Variants in CBLL1 observed in about 807,000 individuals in gnomAD.
CBLL1 encodes the protein Cbl proto-oncogene like 1, also known as E3 ubiquitin-protein ligase Hakai.
In CBLL1, 4 loss-of-function variants were observed where a neutral mutation model predicts 44.9. The observed-to-expected ratio is 0.09, with a 90% CI of 0.04 to 0.20. CBLL1 has a LOEUF of 0.20. Among genes scored for constraint, CBLL1 ranks in the 10% least tolerant of loss-of-function variants. The pLI, the probability that CBLL1 is intolerant of heterozygous loss-of-function variation, is 1.00. For missense variants in CBLL1, 569 were observed against 636.7 expected, an observed-to-expected ratio of 0.89 and a Z score of 1.14; for synonymous variants, 235 against 202.2, an observed-to-expected ratio of 1.16 and a Z score of -1.38.
rs889688246 is a variant in CBLL1 at position 107,759,422 on chromosome 7, T to C, written c.*244T>C. 14 of 374,492 alleles carry C rather than the reference T, an allele frequency of 3.7e-5. No homozygotes were observed. The highest frequency in any genetic ancestry group is 2.5e-4 in the African/African-American group (12 of 48,398). The allele number at this position is 374,492 out of a possible 1,614,324, so 23.2% of individuals were successfully genotyped here. A position where few individuals can be genotyped will look rare whatever the true frequency, so the allele number is the denominator to read the frequency against. Reference sequence around the variant, plus strand: ...TTTTAACATCTCTTTGTTCCCCTAGTTTAGTAAATTGACCCAGAGGTGACC... The same window carrying C: ...TTTTAACATCTCTTTGTTCCCCTAGCTTAGTAAATTGACCCAGAGGTGACC... On this transcript the variant is annotated 3_prime_UTR_variant, in exon 6 of 6. Coordinates refer to ENST00000440859, the MANE Select transcript of CBLL1 (RefSeq NM_024814.4).
At position 107,758,684 on chromosome 7, in the gene CBLL1, G is replaced by A; in HGVS notation, c.982G>A (p.Val328Ile). ...TCCTGAATATCAGGGTCAACCAGTG[G>A]TATCGCACCCTCATCATATTATGCC... ...HHPEYQGQPV[V>I]SHPHHIMPPQ... Residue 328 changes from valine to isoleucine, a missense_variant, in exon 6 of 6, where the codon GTA becomes ATA. By Grantham distance (29) the Val-to-Ile change is conservative (BLOSUM62 3). Transcript: ENST00000440859. This position sits in a 1 kb window ranked among gnomAD's most constrained non-coding sequence, Gnocchi z 4.2. 6.2e-7 allele frequency: 1 copy of A among 1,613,714 alleles called. No individual in the cohort carries two copies. The highest frequency in any genetic ancestry group is 8.5e-7 in the Non-Finnish European group (1 of 1,179,934).
At chr7:107,749,072 A>C in intron 2 of CBLL1, 25 bp downstream of exon 2, 2 of 1,608,816 alleles carry the variant, frequency 1.2e-6, no homozygotes, top group Middle Eastern at 1.7e-4. Context: ...TAATAGGTCC[A>C]ACACTCTTTC....
chr7:107,756,414 G>T (rs537058313), intron 5 of CBLL1, among the ~76,000 whole-genome samples: 3 of 152,058 alleles, frequency 2.0e-5, no homozygotes, highest in South Asian at 2.1e-4. Flanking sequence ...GTTTTTATTA[G>T]CATTTTAAAG....
At chr7:107,744,204 C>T (rs761101274) in intron 1 of CBLL1, 28 bp downstream of exon 1, 3 of 1,541,006 alleles carry the variant, frequency 1.9e-6, no homozygotes, top group Non-Finnish European at 2.6e-6. Context: ...GTGGGGGTCC[C>T]GGTTCCAAGC....
In CBLL1 at chr7:107,758,296, C is replaced by T. The variant is rs753955659; in HGVS notation, c.594C>T (p.Thr198=). Residue 198 remains threonine, a synonymous_variant, in exon 6 of 6, where the codon ACC becomes ACT. Coordinates refer to ENST00000440859, the MANE Select transcript of CBLL1 (RefSeq NM_024814.4). The surrounding 1 kb of genome is among the most constrained non-coding windows in gnomAD (Gnocchi z 4.2). ...HRHMRAGKPV[T]RASLENVHPP... ...ATATGAGAGCTGGAAAACCTGTTAC[C>T]CGTGCTTCACTTGAAAATGTTCATC... 1 of 1,614,094 alleles carries T rather than the reference C, an allele frequency of 6.2e-7. No individual in the cohort carries two copies. Among genetic ancestry groups the T allele is most frequent in the East Asian group, 2.2e-5 (1 of 44,876 alleles).
At chr7:107,753,335 T>C (rs1232171690) in intron 2 of CBLL1, 76 bp from the exon 3 acceptor site, 1 of 903,684 alleles carries the variant, frequency 1.1e-6, no homozygotes, top group African/African-American at 1.7e-5. Context: ...AAAAGGTCTA[T>C]TTTGCCATGT....
chr7:107,744,369 C>A, intron 1 of CBLL1, 193 bp downstream of exon 1: 1 of 628,044 alleles, frequency 1.6e-6, no homozygotes, highest in Middle Eastern at 4.5e-4. Context: ...GGTGTGGTAC[C>A]TACCTCCTCC....
intron 1 of CBLL1, 43 bp downstream of exon 1, chr7:107,744,219 T>C: frequency 6.5e-7 from 1 of 1,532,646 alleles, no homozygotes; most frequent in South Asian, 1.2e-5. Context: ...CCAAGCCCCC[T>C]TGGCCGGCCT....
intron 2 of CBLL1, chr7:107,752,645 T>A (rs1369597040): frequency 8.5e-7 from 1 of 1,177,036 alleles, no homozygotes; most frequent in Admixed American, 2.6e-5. Context: ...AGAATTCCCA[T>A]CAGACTGTTG....
chr7:107,752,999 T>A (rs1232904532), intron 2 of CBLL1, among the ~76,000 whole-genome samples: 1 of 152,238 alleles, frequency 6.6e-6, no homozygotes. Context: ...GCATACCATT[T>A]TTGTAGCTAG....
At chr7:107,746,493 T>A (rs556414790) in intron 1 of CBLL1, among the ~76,000 whole-genome samples, 4 of 152,324 alleles carry the variant, frequency 2.6e-5, no homozygotes, top group Non-Finnish European at 4.4e-5. Flanking sequence ...GAAATAAAAT[T>A]ATAAACCTTG....
intron 5 of CBLL1, among the ~76,000 whole-genome samples, chr7:107,756,269 G>A (rs796285600): frequency 1.3e-5 from 2 of 152,248 alleles, no homozygotes; most frequent in African/African-American, 4.8e-5. Flanking sequence ...ACCAAGATTT[G>A]TGGTATTGAT....
At position 107,759,889 on chromosome 7, in the gene CBLL1, A is replaced by G. The variant is rs1793700546; in HGVS notation, c.*711A>G. 6.6e-6 allele frequency: 1 copy of G among 152,336 alleles called. No homozygotes were observed. Among genetic ancestry groups the G allele is most frequent in the African/African-American group, 2.4e-5 (1 of 41,456 alleles). The allele number at this position is 152,336 out of a possible 1,614,324, so 9.4% of individuals were successfully genotyped here. A position where few individuals can be genotyped will look rare whatever the true frequency, so the allele number is the denominator to read the frequency against. On this transcript the variant is annotated 3_prime_UTR_variant, in exon 6 of 6. Coordinates refer to ENST00000440859, the MANE Select transcript of CBLL1 (RefSeq NM_024814.4). The stretch of plus-strand genomic sequence containing the variant: ...ATATATTTGTTCGTAATGTTAAAAG[A>G]CATTACTAATTATTTGGAAAGAGAT...
Position 107,761,211 on chromosome 7 carries a change from G to A in CBLL1, c.*2033G>A, listed in dbSNP as rs977323710. The stretch of plus-strand genomic sequence containing the variant: ...TCAACTATTTATGAAGAGCTATCCT[G>A]CTTTTATTGAAAGTCACTAGAGTTG... On this transcript the variant is annotated 3_prime_UTR_variant, in exon 6 of 6. Transcript: ENST00000440859. The A allele has an allele frequency of 7.9e-5, 12 of 152,168 alleles. No individual in the cohort carries two copies. The highest frequency in any genetic ancestry group is 2.2e-4 in the African/African-American group (9 of 41,430). 9.4% of individuals were successfully genotyped at this position (152,168 alleles called of 1,614,324 possible).
chr7:107,758,380 G>A lies in CBLL1; in HGVS notation c.678G>A (p.Lys226=), dbSNP rs200134641. ...IPERFIMPPD[K]HHMSHIPPKQ... ...AGCGTTTTATAATGCCACCAGACAAGCACCATATGAGCCATATTCCGCCAA... is the reference window on the plus strand; with the variant it reads ...AGCGTTTTATAATGCCACCAGACAAACACCATATGAGCCATATTCCGCCAA... The change falls in exon 6 of 6, where the codon AAG becomes AAA. Residue 226 remains lysine, a synonymous_variant. Coordinates refer to ENST00000440859, the MANE Select transcript of CBLL1 (RefSeq NM_024814.4). This position sits in a 1 kb window ranked among gnomAD's most constrained non-coding sequence, Gnocchi z 4.2. 3 of 1,613,984 alleles carry A rather than the reference G, an allele frequency of 1.9e-6. No individual in the cohort carries two copies. The highest frequency in any genetic ancestry group is 2.5e-6 in the Non-Finnish European group (3 of 1,179,988).
At chr7:107,744,278 C>G in intron 1 of CBLL1, 102 bp downstream of exon 1, 3 of 1,312,080 alleles carry the variant, frequency 2.3e-6, no homozygotes, top group Non-Finnish European at 3.1e-6. Flanking sequence ...CCCCACAACA[C>G]TAGGGTGTGG....
At chr7:107,746,167 T>C (rs1387063749) in intron 1 of CBLL1, among the ~76,000 whole-genome samples, 1 of 152,196 alleles carries the variant, frequency 6.6e-6, no homozygotes, top group Non-Finnish European at 1.5e-5. Context: ...GTAATTCTTA[T>C]TTGAGCCCAC....
At position 107,758,916 on chromosome 7, in the gene CBLL1, G is replaced by T. The variant is rs1243416103; in HGVS notation, c.1214G>T (p.Gly405Val). Residue 405 changes from glycine (G) to valine (V), a missense_variant, in exon 6 of 6, where the codon GGA becomes GTA. Transcript: ENST00000440859. The surrounding 1 kb of genome is among the most constrained non-coding windows in gnomAD (Gnocchi z 4.2). ...MPPYMNHPPPGPPPPQHGGPP... is the reference protein window; with the variant it reads ...MPPYMNHPPPVPPPPQHGGPP... ...CCTTATATGAATCATCCTCCTCCAG[G>T]ACCTCCCCCACCTCAACATGGTGGT... The T allele has an allele frequency of 6.2e-7, 1 of 1,613,510 alleles. No individual in the cohort carries two copies. Among genetic ancestry groups the T allele is most frequent in the Admixed American group, 1.7e-5 (1 of 59,944 alleles).
In CBLL1 at chr7:107,758,022, T is replaced by G; in HGVS notation, c.441-121T>G. Reference sequence around the variant, plus strand: ...TGCGTAGAATAACTGTAACTTCTAATTGTGGACTTTTGCTATGTTTTATGT... The same window carrying G: ...TGCGTAGAATAACTGTAACTTCTAAGTGTGGACTTTTGCTATGTTTTATGT... On this transcript the variant is annotated intron_variant, in intron 5 of 5. Transcript: ENST00000440859. The surrounding 1 kb of genome is among the most constrained non-coding windows in gnomAD (Gnocchi z 4.2). The G allele has an allele frequency of 1.2e-6, 1 of 865,000 alleles. No homozygotes were observed. The allele number at this position is 865,000 out of a possible 1,614,324, so 53.6% of individuals were successfully genotyped here.
Sources: gnomAD v4.1 joint callset for allele counts (sites outside exome capture counted in the v4.1 genomes callset) on GRCh38, gnomAD v4.1.1 for gene constraint, Gnocchi (gnomAD v3.1) non-coding constraint, MANE v1.5 for transcripts, NCBI Gene and HGNC (gene_info 2026-07-23, HGNC 2026-07-21) for gene names.